The following PDC variants were observed in gnomAD, a reference collection of about 807,000 sequenced individuals.
PDC encodes the protein phosducin, also known as 33 kDa phototransducing protein.
In PDC, 19 loss-of-function variants were observed where a neutral mutation model predicts 22.2. That is an observed-to-expected ratio of 0.86 (90% CI 0.60 to 1.26). The LOEUF is 1.26. Ranked by LOEUF, PDC falls within the 50% of genes most tolerant of loss-of-function variation. The probability of loss-of-function intolerance (pLI) is 0.00; values close to 1 mark genes in which losing one functional copy is unlikely to be tolerated. For synonymous variants in PDC, 97 were observed against 96.2 expected (o/e 1.01, Z -0.05); for missense variants, 274 against 286.8 (o/e 0.96, Z 0.32).
intron 1 of PDC, among the ~76,000 whole-genome samples, chr1:186,451,930 A>G (rs1662362953): frequency 6.6e-6 from 1 of 152,224 alleles, no homozygotes; most frequent in African/African-American, 2.4e-5. Flanking sequence ...TGCCTGTTTA[A>G]GTAAAGGACA....
intron 1 of PDC, among the ~76,000 whole-genome samples, chr1:186,459,752 G>GTGTATATATATATATATATA (rs1299957095): frequency 6.8e-4 from 76 of 112,072 alleles, no homozygotes; most frequent in Non-Finnish European, 1.1e-3. Context: ...GTGTGTGTGT[G>GTGTATATATATATATATATA]TATATATATA....
intron 1 of PDC, among the ~76,000 whole-genome samples, chr1:186,453,633 T>C (rs1191058977): frequency 6.6e-6 from 1 of 152,216 alleles, no homozygotes; most frequent in Non-Finnish European, 1.5e-5. Context: ...CATGTTTTGC[T>C]CCACTATTGT....
At chr1:186,454,515 G>A (rs1368030874) in intron 1 of PDC, among the ~76,000 whole-genome samples, 7 of 152,106 alleles carry the variant, frequency 4.6e-5, no homozygotes, top group South Asian at 4.1e-4. Flanking sequence ...GACTAATAAC[G>A]ACTCTGGAAG....
intron 1 of PDC, among the ~76,000 whole-genome samples, chr1:186,455,994 A>AATATAT (rs71104863): frequency 5.2e-5 from 4 of 77,092 alleles, no homozygotes; most frequent in Non-Finnish European, 6.2e-5. Flanking sequence ...AAAAAAAAAA[A>AATATAT]ATATATATAT....
At chr1:186,451,535 T>G (rs1454322004) in intron 1 of PDC, 3 of 152,290 alleles carry the variant, frequency 2.0e-5, no homozygotes, top group Non-Finnish European at 4.4e-5. Flanking sequence ...ATCCAGTCTC[T>G]TTACTTTTTA....
At chr1:186,450,334 T>A (rs1391675474) in intron 1 of PDC, among the ~76,000 whole-genome samples, 3 of 152,062 alleles carry the variant, frequency 2.0e-5, no homozygotes. Flanking sequence ...TAGTATTTTT[T>A]TTTTTAAGTT....
At chr1:186,453,545 T>C (rs953016714) in intron 1 of PDC, among the ~76,000 whole-genome samples, 2 of 152,176 alleles carry the variant, frequency 1.3e-5, no homozygotes, top group Non-Finnish European at 2.9e-5. Context: ...TTTCAAATAG[T>C]TGGGATTATC....
chr1:186,452,189 C>T (rs1300904954), intron 1 of PDC, among the ~76,000 whole-genome samples: 1 of 152,176 alleles, frequency 6.6e-6, no homozygotes, highest in African/African-American at 2.4e-5. Context: ...TTCTGATTAT[C>T]CCAAAAATCT....
At chr1:186,454,168 CTTTT>C (rs397860509) in intron 1 of PDC, among the ~76,000 whole-genome samples, 37 of 94,214 alleles carry the variant, frequency 3.9e-4, no homozygotes, top group African/African-American at 1.3e-3. Flanking sequence ...TCTTTTCTTT[CTTTT>C]TTTTTTTTTT....
intron 2 of PDC, among the ~76,000 whole-genome samples, chr1:186,447,209 C>A (rs181252741): frequency 6.6e-6 from 1 of 151,562 alleles, no homozygotes; most frequent in Non-Finnish European, 1.5e-5. Context: ...AGTGTAGGGG[C>A]GTGATTTTGG....
chr1:186,456,430 A>G (rs974210650), intron 1 of PDC, among the ~76,000 whole-genome samples: 1 of 152,104 alleles, frequency 6.6e-6, no homozygotes, highest in African/African-American at 2.4e-5. Flanking sequence ...CTTTTTGCAA[A>G]TTATGATGAA....
Position 186,443,961 on chromosome 1 carries a change from T to C in PDC, c.*18A>G, listed in dbSNP as rs1234623383. 1.3e-6 allele frequency: 2 copies of C among 1,565,520 alleles called. No homozygotes were observed. Among genetic ancestry groups the C allele is most frequent in the African/African-American group, 1.4e-5 (1 of 73,690 alleles). On this transcript the variant is annotated 3_prime_UTR_variant, in exon 4 of 4. Coordinates refer to ENST00000391997, the MANE Select transcript of PDC (RefSeq NM_002597.5). ...CAATACCTAAAGGATAAACATGAGA[T>C]ATTGACATAGTGAATCTTCATTCAA...
chr1:186,448,726 G>A, intron 2 of PDC: 16 of 893,154 alleles, frequency 1.8e-5, no homozygotes, highest in Non-Finnish European at 2.1e-5. Context: ...CACACATTTT[G>A]GCTGGTACTC....
rs1051224520 is a variant in PDC at position 186,458,527 on chromosome 1, T to A, written c.-25+2532A>T. Among the ~76,000 whole-genome samples the A allele has an allele frequency of 2.0e-5, 3 of 150,740 alleles. 1 individual carries two copies. The highest frequency in any genetic ancestry group is 4.4e-5 in the Non-Finnish European group (3 of 67,896). On this transcript the variant is annotated intron_variant, in intron 1 of 3. Coordinates refer to ENST00000391997, the MANE Select transcript of PDC (RefSeq NM_002597.5). ...CATTTCATTAGAGTCGCCTCAGAAG[T>A]CCTGGTGAGACAATCCTAGGAGTCC...
chr1:186,456,122 A>G (rs1346970646), intron 1 of PDC, among the ~76,000 whole-genome samples: 1 of 149,574 alleles, frequency 6.7e-6, no homozygotes, highest in Non-Finnish European at 1.5e-5. Flanking sequence ...AAATAATAGT[A>G]TTCTATACTA....
Position 186,444,010 on chromosome 1 carries a change from T to G in PDC, c.710A>C (p.His237Pro), listed in dbSNP as rs764713464. 6.2e-7 allele frequency: 1 copy of G among 1,608,972 alleles called. No homozygotes were observed. Among genetic ancestry groups the G allele is most frequent in the Non-Finnish European group, 8.5e-7 (1 of 1,176,948 alleles). The change falls in exon 4 of 4, where the codon CAT (histidine) becomes CCT (proline). Residue 237 changes from histidine (H) to proline (P), a missense_variant. His to Pro is a moderately conservative substitution (Grantham distance 77). Transcript: ENST00000391997. The part of the protein sequence containing the change: ...LPEREVHVLE[H>P]TKIEEEDVE ...AACATCTTCTTCTTCTATTTTGGTA[T>G]GCTCTAGGACATGTACCTCTCTTTC... is the stretch of plus-strand genomic sequence containing the variant.
At chr1:186,453,214 G>T (rs1005071794) in intron 1 of PDC, among the ~76,000 whole-genome samples, 11 of 151,902 alleles carry the variant, frequency 7.2e-5, no homozygotes, top group Non-Finnish European at 1.0e-4. Flanking sequence ...CCCAACTATG[G>T]TTTAGTAATT....
chr1:186,444,267 T>C lies in PDC; in HGVS notation c.453A>G (p.Leu151=). 6.2e-7 allele frequency: 1 copy of C among 1,614,058 alleles called. No homozygotes were observed. The change falls in exon 4 of 4, where the codon CTA becomes CTG. Residue 151 remains leucine, a synonymous_variant. Coordinates refer to ENST00000391997, the MANE Select transcript of PDC (RefSeq NM_002597.5). ...YEDGIKGCDA[L]NSSLTCLAAE... is the part of the protein sequence containing the mutation. ...CTGCAAGGCATGTTAAACTACTGTTTAGAGCATCACAACCCTTAATACCAT... is the reference window on the plus strand; with the variant it reads ...CTGCAAGGCATGTTAAACTACTGTTCAGAGCATCACAACCCTTAATACCAT...
At position 186,453,532 on chromosome 1, in the gene PDC, G is replaced by A. The variant is rs74134845; in HGVS notation, c.-24-4049C>T. Among the ~76,000 whole-genome samples, 355 of 152,264 alleles carry A rather than the reference G, an allele frequency of 2.3e-3. 2 individuals carry two copies. The highest frequency in any genetic ancestry group is 8.2e-3 in the African/African-American group (340 of 41,570). ...GACTAGCTATTGTAGTTTATTGGTA[G>A]ATTTTCAAATAGTTGGGATTATCTA... On this transcript the variant is annotated intron_variant, in intron 1 of 3. Transcript: ENST00000391997.
Sources: gnomAD v4.1 joint callset for allele counts (sites outside exome capture counted in the v4.1 genomes callset) on GRCh38, gnomAD v4.1.1 for gene constraint, MANE v1.5 for transcripts, NCBI Gene and HGNC (gene_info 2026-07-23, HGNC 2026-07-21) for gene names.